Variants in TNFRSF11A observed in about 807,000 individuals in gnomAD.
TNFRSF11A encodes tumor necrosis factor receptor superfamily member 11A.
In TNFRSF11A, 32 loss-of-function variants were observed where a neutral mutation model predicts 55.7. The ratio of observed to expected loss-of-function variants is 0.57; its 90% CI spans 0.43 to 0.77. TNFRSF11A has a LOEUF of 0.77. Ranked by LOEUF, TNFRSF11A falls within the 30% of genes least tolerant of loss-of-function variation. TNFRSF11A has a pLI of 0.00. For missense variants in TNFRSF11A, 753 were observed against 809.8 expected, an observed-to-expected ratio of 0.93 and a Z score of 0.85; for synonymous variants, 311 against 331.0, an observed-to-expected ratio of 0.94 and a Z score of 0.65.
intron 3 of TNFRSF11A, among the ~76,000 whole-genome samples, chr18:62,350,441 C>T (rs1406494311): frequency 2.0e-5 from 3 of 152,062 alleles, no homozygotes; most frequent in Non-Finnish European, 4.4e-5. Flanking sequence ...TACAGGCACC[C>T]CCCACCACGC....
chr18:62,366,478 A>AT (rs1464175740), intron 7 of TNFRSF11A, among the ~76,000 whole-genome samples: 1 of 152,128 alleles, frequency 6.6e-6, no homozygotes, highest in East Asian at 1.9e-4. Context: ...CATATTCAAG[A>AT]TTTTTGCTAA....
intron 1 of TNFRSF11A, among the ~76,000 whole-genome samples, chr18:62,339,273 C>G (rs954614171): frequency 2.0e-5 from 3 of 152,162 alleles, no homozygotes; most frequent in Non-Finnish European, 4.4e-5. Flanking sequence ...CTGCACCTGC[C>G]CGAGTCTCCC....
rs954744256 is a variant in TNFRSF11A at position 62,388,519 on chromosome 18, C to T, written c.*3485C>T. The T allele has an allele frequency of 6.6e-6, 1 of 152,282 alleles. No homozygotes were observed. The highest frequency in any genetic ancestry group is 1.5e-5 in the Non-Finnish European group (1 of 68,084). 9.4% of individuals were successfully genotyped at this position (152,282 alleles called of 1,614,324 possible). ...AGATGGCCCCCTTGCCATCTGTCCA[C>T]CACAGGGCACTGCGTGGAGTAAAAT... On this transcript the variant is annotated 3_prime_UTR_variant, in exon 10 of 10. Transcript: ENST00000586569.
rs1274159330 is a variant in TNFRSF11A at position 62,385,112 on chromosome 18, G to A, written c.*78G>A. The stretch of plus-strand genomic sequence containing the variant: ...GCACCGCAGCCTCTGCCCCAGCCCC[G>A]GCCACCCAGGGATCGATCGGTACAG... On this transcript the variant is annotated 3_prime_UTR_variant, in exon 10 of 10. Transcript: ENST00000586569. 7.4e-7 allele frequency: 1 copy of A among 1,359,998 alleles called. No individual in the cohort carries two copies. Among genetic ancestry groups the A allele is most frequent in the South Asian group, 1.7e-5 (1 of 59,572 alleles). The allele number at this position is 1,359,998 out of a possible 1,614,324, so 84.2% of individuals were successfully genotyped here. A position where few individuals can be genotyped will look rare whatever the true frequency, so the allele number is the denominator to read the frequency against.
At chr18:62,333,420 C>T (rs2046184712) in intron 1 of TNFRSF11A, among the ~76,000 whole-genome samples, 2 of 152,132 alleles carry the variant, frequency 1.3e-5, no homozygotes, top group Middle Eastern at 3.2e-3. Flanking sequence ...CTAGAGACCC[C>T]GGGATTCCAT....
chr18:62,344,849 C>G (rs2046359851), intron 1 of TNFRSF11A, among the ~76,000 whole-genome samples: 1 of 152,156 alleles, frequency 6.6e-6, no homozygotes, highest in South Asian at 2.1e-4. Context: ...AAAAATGACA[C>G]CCAGAGGATG....
intron 9 of TNFRSF11A, among the ~76,000 whole-genome samples, chr18:62,382,235 T>C (rs2145396215): frequency 6.7e-6 from 1 of 148,174 alleles, no homozygotes; most frequent in East Asian, 2.2e-4. Flanking sequence ...CTCAGCCTCC[T>C]AAGTAGCTGG....
chr18:62,331,880 A>G (rs1464366511), intron 1 of TNFRSF11A, among the ~76,000 whole-genome samples: 1 of 152,168 alleles, frequency 6.6e-6, no homozygotes, highest in Admixed American at 6.5e-5. Context: ...AAAAATCCTG[A>G]CCCAGCAGGT....
chr18:62,373,737 A>C (rs540755506), intron 9 of TNFRSF11A, among the ~76,000 whole-genome samples: 51 of 152,276 alleles, frequency 3.3e-4, no homozygotes, highest in Non-Finnish European at 5.0e-4. Context: ...GAAGTGACAG[A>C]GCACAGGTGA....
Position 62,385,021 on chromosome 18 carries a change from G to A in TNFRSF11A, c.1838G>A (p.Gly613Glu). ...TCGAGGCCGGTGCAGGAGCAAGGCG[G>A]GGCCAAGGCTTGAGCGCCCCCCATG... is the stretch of plus-strand genomic sequence containing the variant. ...KASRPVQEQG[G>E]AKA The change falls in exon 10 of 10, where the codon GGG (glycine) becomes GAG (glutamate). Residue 613 changes from glycine to glutamate, a missense_variant. By Grantham distance (98) the Gly-to-Glu change is moderately conservative (BLOSUM62 -2). Transcript: ENST00000586569. The A allele has an allele frequency of 2.7e-6, 4 of 1,481,458 alleles. No individual in the cohort carries two copies. The highest frequency in any genetic ancestry group is 3.6e-6 in the Non-Finnish European group (4 of 1,125,248). 91.8% of individuals were successfully genotyped at this position (1,481,458 alleles called of 1,614,324 possible).
At chr18:62,343,846 C>A (rs2046346981) in intron 1 of TNFRSF11A, among the ~76,000 whole-genome samples, 1 of 152,172 alleles carries the variant, frequency 6.6e-6, no homozygotes, top group South Asian at 2.1e-4. Context: ...TATGAACAGA[C>A]TAATGTTCCT....
chr18:62,341,227 G>T (rs148213664), intron 1 of TNFRSF11A, among the ~76,000 whole-genome samples: 36 of 152,306 alleles, frequency 2.4e-4, no homozygotes, highest in Non-Finnish European at 4.9e-4. Flanking sequence ...GCACTGAAAT[G>T]ACTCGGACCA....
chr18:62,380,183 C>T (rs892208544), intron 9 of TNFRSF11A, among the ~76,000 whole-genome samples: 4 of 152,182 alleles, frequency 2.6e-5, no homozygotes, highest in East Asian at 1.9e-4. Flanking sequence ...AGGCCCATGG[C>T]GACCACTCTG....
In TNFRSF11A at chr18:62,390,936, G is replaced by A. The variant is rs959339439; in HGVS notation, c.*5902G>A. The A allele has an allele frequency of 6.6e-6, 1 of 152,114 alleles. No individual in the cohort carries two copies. The allele number at this position is 152,114 out of a possible 1,614,324, so 9.4% of individuals were successfully genotyped here. ...TTATGAGTTTTAACAAAAATACATA[G>A]TTGTGTAACCACCACCATCACAATC... On this transcript the variant is annotated 3_prime_UTR_variant, in exon 10 of 10. Coordinates refer to ENST00000586569, the MANE Select transcript of TNFRSF11A (RefSeq NM_003839.4).
rs1334085114 is a variant in TNFRSF11A, at chr18:62,325,938, C to G, written c.75+511C>G. Among the ~76,000 whole-genome samples the G allele has an allele frequency of 6.6e-6, 1 of 152,212 alleles. No individual in the cohort carries two copies. Among genetic ancestry groups the G allele is most frequent in the African/African-American group, 2.4e-5 (1 of 41,470 alleles). ...TCCCCTGAGCCCCTTCGGGGACACC[C>G]CTGCCAGCTCGCCTGGAGGCCCCGC... On this transcript the variant is annotated intron_variant, in intron 1 of 9. Transcript: ENST00000586569. The surrounding 1 kb of genome is among the most constrained non-coding windows in gnomAD (Gnocchi z 4.7).
Position 62,348,168 on chromosome 18 carries a change from G to A in TNFRSF11A, c.76G>A (p.Val26Met), listed in dbSNP as rs2046413089. 6.2e-7 allele frequency: 1 copy of A among 1,613,834 alleles called. No individual in the cohort carries two copies. The highest frequency in any genetic ancestry group is 1.7e-5 in the Admixed American group (1 of 59,994). The change falls in exon 2 of 10, where the codon GTG becomes ATG. Residue 26 changes from valine (V) to methionine (M), a missense_variant and splice_region_variant. Coordinates refer to ENST00000586569, the MANE Select transcript of TNFRSF11A (RefSeq NM_003839.4). The part of the protein sequence containing the change: ...LLCALLARLQ[V>M]ALQIAPPCTS... Reference sequence around the variant, plus strand: ...TGCCTGACCTCAGTGTTCTTTTCAGGTGGCTTTGCAGATCGCTCCTCCATG... The same window carrying A: ...TGCCTGACCTCAGTGTTCTTTTCAGATGGCTTTGCAGATCGCTCCTCCATG...
chr18:62,333,055 G>A (rs1426724292), intron 1 of TNFRSF11A, among the ~76,000 whole-genome samples: 1 of 152,196 alleles, frequency 6.6e-6, no homozygotes, highest in Non-Finnish European at 1.5e-5. Flanking sequence ...GAGCTGGAGG[G>A]AGAAGGGCAG....
chr18:62,359,205 G>A (rs1479987926), intron 5 of TNFRSF11A, among the ~76,000 whole-genome samples: 1 of 151,952 alleles, frequency 6.6e-6, no homozygotes, highest in Non-Finnish European at 1.5e-5. Context: ...GGGCAACATA[G>A]CAAGACCCCA....
chr18:62,368,534 C>T (rs1239222801), intron 8 of TNFRSF11A, among the ~76,000 whole-genome samples, 167 bp from the exon 9 acceptor site: 5 of 152,214 alleles, frequency 3.3e-5, no homozygotes, highest in Non-Finnish European at 5.9e-5. Context: ...TAGAGTTCTC[C>T]TGCACTCGGT....
Sources: gnomAD v4.1 joint callset for allele counts (sites outside exome capture counted in the v4.1 genomes callset) on GRCh38, gnomAD v4.1.1 for gene constraint, Gnocchi (gnomAD v3.1) non-coding constraint, MANE v1.5 for transcripts, NCBI Gene and HGNC (gene_info 2026-07-23, HGNC 2026-07-21) for gene names.